Variants in MYO3A observed in about 807,000 individuals in gnomAD.
The protein encoded by MYO3A is myosin IIIA.
MYO3A carries 180 observed loss-of-function variants against 192.7 expected under a neutral mutation model. The observed-to-expected ratio is 0.93, with a 90% confidence interval of 0.83 to 1.06. MYO3A has a LOEUF of 1.06. Ranked by LOEUF, MYO3A falls within the 50% of genes least tolerant of loss-of-function variation. MYO3A has a pLI of 0.00. For synonymous variants in MYO3A, 628 were observed against 645.3 expected (o/e 0.97, Z 0.41); for missense variants, 1,896 against 1,905.0 (o/e 1.00, Z 0.09).
chr10:25,997,056 T>G, intron 5 of MYO3A, 103 bp from the exon 6 acceptor site: 1 of 848,860 alleles, frequency 1.2e-6, no homozygotes, highest in Non-Finnish European at 2.0e-6. Context: ...TGAATGTTAA[T>G]TTTATTATGT....
At chr10:26,069,145 A>T (rs969922899) in intron 12 of MYO3A, among the ~76,000 whole-genome samples, 3 of 152,094 alleles carry the variant, frequency 2.0e-5, no homozygotes, top group Admixed American at 2.0e-4. Context: ...TAAATATTGT[A>T]TCACTAAACA....
chr10:26,128,508 T>C lies in MYO3A; in HGVS notation c.2232T>C (p.Tyr744=). 1 of 1,612,422 alleles carries C rather than the reference T, an allele frequency of 6.2e-7. No individual in the cohort carries two copies. The highest frequency in any genetic ancestry group is 1.1e-5 in the South Asian group (1 of 91,034). Residue 744 remains tyrosine, a synonymous_variant, in exon 20 of 35, where the codon TAT becomes TAC. Coordinates refer to ENST00000642920, the MANE Select transcript of MYO3A (RefSeq NM_017433.5). Reference sequence around the variant, plus strand: ...TTGCAAATGAACAAATTCAGTATTATTATAATCAACATGTGTTTGCATGGG... The same window carrying C: ...TTGCAAATGAACAAATTCAGTATTACTATAATCAACATGTGTTTGCATGGG... ...INIANEQIQY[Y]YNQHVFAWEQ...
intron 23 of MYO3A, among the ~76,000 whole-genome samples, chr10:26,152,621 T>C (rs947188064): frequency 1.3e-5 from 2 of 152,240 alleles, no homozygotes; most frequent in African/African-American, 4.8e-5. Flanking sequence ...AAAATGGATA[T>C]ATTTTCAGAA....
chr10:26,157,412 G>A lies in MYO3A; in HGVS notation c.2896G>A (p.Glu966Lys). 2 of 1,614,136 alleles carry A rather than the reference G, an allele frequency of 1.2e-6. No homozygotes were observed. Among genetic ancestry groups the A allele is most frequent in the Non-Finnish European group, 1.7e-6 (2 of 1,179,998 alleles). The change falls in exon 26 of 35, where the codon GAG (glutamate) becomes AAG (lysine). Residue 966 changes from glutamate to lysine, a missense_variant. Glu to Lys is a moderately conservative substitution (Grantham distance 56). Transcript: ENST00000642920. ...GCGTCAGGCAAGAAAATATGACAAA[G>A]AGAAAGTTCTGCTACAGCTTCGGTA... ...SERQARKYDK[E>K]KVLLQLRYTG...
intron 19 of MYO3A, among the ~76,000 whole-genome samples, 192 bp downstream of exon 19, chr10:26,125,800 AT>A (rs1184731085): frequency 1.3e-5 from 2 of 152,294 alleles, no homozygotes; most frequent in Admixed American, 1.3e-4. Flanking sequence ...TAACTATAAA[AT>A]TTTTAAGTTG....
intron 4 of MYO3A, among the ~76,000 whole-genome samples, chr10:25,961,609 C>T (rs554244292): frequency 6.1e-4 from 92 of 152,004 alleles, no homozygotes; most frequent in African/African-American, 1.7e-3. Flanking sequence ...TTTCCAAAAT[C>T]TGATCTACTT....
chr10:26,049,367 T>G, intron 10 of MYO3A, among the ~76,000 whole-genome samples: 1 of 152,122 alleles, frequency 6.6e-6, no homozygotes, highest in Non-Finnish European at 1.5e-5. Flanking sequence ...ATAGGGAATA[T>G]GAACTCCTCT....
At position 26,174,240 on chromosome 10, in the gene MYO3A, C is replaced by G; in HGVS notation, c.3976C>G (p.Leu1326Val). ...CAGCCAGGAGGAAGGCAGAGGCCGT[C>G]TGAGGCATGAGACAGTCAAAGAGAG... ...ICSQEEGRGRLRHETVKERQV... is the reference protein window; with the variant it reads ...ICSQEEGRGRVRHETVKERQV... Residue 1326 changes from leucine (L) to valine (V), a missense_variant, in exon 30 of 35, where the codon CTG becomes GTG. Coordinates refer to ENST00000642920, the MANE Select transcript of MYO3A (RefSeq NM_017433.5). 1 of 1,614,160 alleles carries G rather than the reference C, an allele frequency of 6.2e-7. No homozygotes were observed. The highest frequency in any genetic ancestry group is 1.1e-5 in the South Asian group (1 of 91,070).
chr10:25,971,959 C>G (rs1838674469), intron 4 of MYO3A, among the ~76,000 whole-genome samples: 1 of 152,182 alleles, frequency 6.6e-6, no homozygotes, highest in Non-Finnish European at 1.5e-5. Flanking sequence ...TCTCCTGCCT[C>G]AGCCTCCCAA....
intron 12 of MYO3A, 59 bp from the exon 13 acceptor site, chr10:26,070,052 A>G: frequency 1.6e-6 from 2 of 1,239,952 alleles, no homozygotes; most frequent in Non-Finnish European, 2.3e-6. Context: ...ATTTGTAAAT[A>G]ATTCAGGACT....
chr10:26,049,013 G>A (rs1368317579), intron 10 of MYO3A, among the ~76,000 whole-genome samples: 1 of 152,208 alleles, frequency 6.6e-6, no homozygotes, highest in East Asian at 1.9e-4. Flanking sequence ...CAGAGAATGT[G>A]GTCTGTTGCA....
At chr10:26,027,858 C>T (rs1041719426) in intron 10 of MYO3A, among the ~76,000 whole-genome samples, 1 of 152,148 alleles carries the variant, frequency 6.6e-6, no homozygotes, top group Non-Finnish European at 1.5e-5. Context: ...TTTACTCTCT[C>T]AAGTAACTGT....
At chr10:26,183,406 C>A (rs916631257) in intron 31 of MYO3A, among the ~76,000 whole-genome samples, 1 of 152,166 alleles carries the variant, frequency 6.6e-6, no homozygotes, top group Middle Eastern at 3.4e-3. Context: ...GCCTATAGTC[C>A]CAGCTACTCA....
chr10:26,175,066 A>T (rs1262494900), intron 30 of MYO3A, among the ~76,000 whole-genome samples: 1 of 152,194 alleles, frequency 6.6e-6, no homozygotes, highest in Non-Finnish European at 1.5e-5. Context: ...AAAATAAGGA[A>T]TCACAAAGAA....
chr10:26,191,848 G>A (rs1000338137), intron 31 of MYO3A, among the ~76,000 whole-genome samples: 1 of 152,088 alleles, frequency 6.6e-6, no homozygotes, highest in African/African-American at 2.4e-5. Flanking sequence ...TCTAGTTTGG[G>A]ACAGCTCTGT....
At chr10:26,152,630 A>G (rs1303835692) in intron 23 of MYO3A, among the ~76,000 whole-genome samples, 1 of 152,250 alleles carries the variant, frequency 6.6e-6, no homozygotes, top group African/African-American at 2.4e-5. Flanking sequence ...ATATTTTCAG[A>G]AATTAAGGTC....
At chr10:26,058,717 A>C (rs1834279082) in intron 10 of MYO3A, among the ~76,000 whole-genome samples, 1 of 152,188 alleles carries the variant, frequency 6.6e-6, no homozygotes, top group Non-Finnish European at 1.5e-5. Flanking sequence ...AAACTTTAGA[A>C]TCAGTTTGCC....
At chr10:26,149,858 A>G (rs1046954968) in intron 23 of MYO3A, among the ~76,000 whole-genome samples, 3 of 152,036 alleles carry the variant, frequency 2.0e-5, no homozygotes, top group Non-Finnish European at 2.9e-5. Flanking sequence ...CATCTCCCCA[A>G]CCTACCTCTT....
At chr10:25,961,120 C>T (rs1165843812) in intron 4 of MYO3A, among the ~76,000 whole-genome samples, 1 of 152,042 alleles carries the variant, frequency 6.6e-6, no homozygotes, top group Non-Finnish European at 1.5e-5. Context: ...TTATATCCTT[C>T]AAAACATTTT....
Sources: gnomAD v4.1 joint callset for allele counts (sites outside exome capture counted in the v4.1 genomes callset) on GRCh38, gnomAD v4.1.1 for gene constraint, MANE v1.5 for transcripts, NCBI Gene and HGNC (gene_info 2026-07-23, HGNC 2026-07-21) for gene names.